The following PRKG1 variants were observed in gnomAD, a reference collection of about 807,000 sequenced individuals.
PRKG1 encodes the protein protein kinase cGMP-dependent 1, also known as cGMP-dependent protein kinase 1.
Under a neutral mutation model 88.1 loss-of-function variants are expected in PRKG1, and 35 were observed. That is an observed-to-expected ratio of 0.40 (90% CI 0.30 to 0.53). The LOEUF is 0.53. Ranked by LOEUF, PRKG1 falls within the 20% of genes least tolerant of loss-of-function variation. The probability of loss-of-function intolerance (pLI) is 0.59; values close to 1 mark genes in which losing one functional copy is unlikely to be tolerated. For synonymous variants in PRKG1, 303 were observed against 292.5 expected, an observed-to-expected ratio of 1.04 and a Z score of -0.37; for missense variants, 540 against 839.8, an observed-to-expected ratio of 0.64 and a Z score of 4.41.
intron 3 of PRKG1, among the ~76,000 whole-genome samples, chr10:51,660,983 A>C (rs1435091841): frequency 6.6e-6 from 1 of 152,118 alleles, no homozygotes; most frequent in Non-Finnish European, 1.5e-5. Flanking sequence ...CATAAATCAC[A>C]TATTAGAATC....
intron 2 of PRKG1, among the ~76,000 whole-genome samples, chr10:51,399,269 A>G (rs959941285): frequency 6.6e-6 from 1 of 152,150 alleles, no homozygotes; most frequent in African/African-American, 2.4e-5. Context: ...TTCATATGAT[A>G]CATAGCATGC....
Position 52,160,113 on chromosome 10 carries a change from A to G in PRKG1, c.1002-1776A>G, listed in dbSNP as rs971316756. On this transcript the variant is annotated intron_variant, in intron 8 of 17. Coordinates refer to ENST00000373980, the MANE Select transcript of PRKG1 (RefSeq NM_006258.4). ...AAAACCCCCAGAAAATTAGCCAGAT[A>G]TTATCTATTTATAATAAAAGAAATA... Among the ~76,000 whole-genome samples the G allele has an allele frequency of 1.2e-4, 18 of 152,030 alleles. No homozygotes were observed. In the East Asian group the frequency reaches 3.1e-3, roughly 26 times the overall value.
At chr10:51,077,279 A>G (rs1843980218) in intron 1 of PRKG1, among the ~76,000 whole-genome samples, 1 of 152,216 alleles carries the variant, frequency 6.6e-6, no homozygotes, top group Non-Finnish European at 1.5e-5. Flanking sequence ...TTTGTATTTC[A>G]TCTTTACTAC....
At chr10:51,489,042 T>C (rs926800813) in intron 3 of PRKG1, among the ~76,000 whole-genome samples, 1 of 152,180 alleles carries the variant, frequency 6.6e-6, no homozygotes, top group Admixed American at 6.6e-5. Context: ...ATTAGAGTCA[T>C]TCTGCTAACT....
intron 4 of PRKG1, among the ~76,000 whole-genome samples, chr10:51,859,682 C>T (rs995075728): frequency 1.1e-4 from 16 of 152,138 alleles, no homozygotes; most frequent in Non-Finnish European, 1.5e-5. Flanking sequence ...TACCACCCTA[C>T]TCCCCAATCC....
At chr10:51,368,472 T>C (rs1588886678) in intron 2 of PRKG1, among the ~76,000 whole-genome samples, 1 of 141,602 alleles carries the variant, frequency 7.1e-6, no homozygotes, top group African/African-American at 2.8e-5. Context: ...CCTCAGGTCA[T>C]GGTCTATAGT....
chr10:52,105,202 A>G (rs1235031207), intron 7 of PRKG1, among the ~76,000 whole-genome samples: 1 of 149,922 alleles, frequency 6.7e-6, no homozygotes, highest in South Asian at 2.1e-4. Flanking sequence ...TTTTTTTTTT[A>G]TTACCAATTG....
rs191112679 is a variant in PRKG1, at chr10:51,234,268, C to A, written c.478+80938C>A. Among the ~76,000 whole-genome samples the A allele has an allele frequency of 4.6e-5, 7 of 152,256 alleles. No individual in the cohort carries two copies. In the East Asian group the frequency reaches 7.7e-4, roughly 17 times the overall value. ...TCTTTCTGTGTCAGACAATTTTCTT[C>A]TGCTTATGGTTGGGGCCACTCCTCA... On this transcript the variant is annotated intron_variant, in intron 2 of 17. Coordinates refer to ENST00000373980, the MANE Select transcript of PRKG1 (RefSeq NM_006258.4).
chr10:51,294,466 G>A (rs1475382216), intron 2 of PRKG1, among the ~76,000 whole-genome samples: 2 of 147,310 alleles, frequency 1.4e-5, no homozygotes, highest in Admixed American at 7.2e-5. Flanking sequence ...ATTTATTTAG[G>A]AGACCATCCT....
rs1248855865 is a variant in PRKG1, at chr10:51,674,169, G to T, written c.593-130416G>T. ...TTAAAAGTGAACTGGAAGTTTTTTG[G>T]TTTTTGTTTTTTTATTATACTTTAA... On this transcript the variant is annotated intron_variant, in intron 3 of 17. Coordinates refer to ENST00000373980, the MANE Select transcript of PRKG1 (RefSeq NM_006258.4). Among the ~76,000 whole-genome samples, 3 of 151,930 alleles carry T rather than the reference G, an allele frequency of 2.0e-5. No homozygotes were observed. In the East Asian group the frequency reaches 5.8e-4, roughly 29 times the overall value.
intron 9 of PRKG1, among the ~76,000 whole-genome samples, chr10:52,180,770 C>T (rs748003099): frequency 1.8e-4 from 28 of 152,228 alleles, no homozygotes; most frequent in African/African-American, 4.1e-4. Context: ...TACATGCGCA[C>T]GGTGAGTTGG....
chr10:51,056,989 A>G (rs1843633150), intron 1 of PRKG1, among the ~76,000 whole-genome samples: 1 of 152,216 alleles, frequency 6.6e-6, no homozygotes, highest in Non-Finnish European at 1.5e-5. Flanking sequence ...TATTTCTACT[A>G]AAATCTTCTT....
At chr10:51,660,504 C>T (rs1464409907) in intron 3 of PRKG1, among the ~76,000 whole-genome samples, 2 of 151,976 alleles carry the variant, frequency 1.3e-5, no homozygotes, top group Non-Finnish European at 2.9e-5. Context: ...AATAGGACAG[C>T]ATCCTAGCAG....
intron 3 of PRKG1, among the ~76,000 whole-genome samples, chr10:51,507,624 G>C (rs543794458): frequency 1.4e-4 from 22 of 152,102 alleles, no homozygotes; most frequent in Non-Finnish European, 2.8e-4. Flanking sequence ...CACTAGGTTT[G>C]TTAAGGAGGT....
At chr10:51,579,181 C>T (rs746508671) in intron 3 of PRKG1, among the ~76,000 whole-genome samples, 1 of 151,594 alleles carries the variant, frequency 6.6e-6, no homozygotes. Flanking sequence ...GGGGTTTCAC[C>T]GTGTTGGCCA....
intron 5 of PRKG1, among the ~76,000 whole-genome samples, chr10:52,028,545 G>T (rs879724661): frequency 4.6e-5 from 7 of 152,180 alleles, no homozygotes; most frequent in African/African-American, 1.7e-4. Flanking sequence ...GGAAGGAAAA[G>T]GTTATATCTC....
intron 9 of PRKG1, among the ~76,000 whole-genome samples, chr10:52,233,720 G>C (rs1444936157): frequency 6.8e-6 from 1 of 147,200 alleles, no homozygotes; most frequent in African/African-American, 2.5e-5. Flanking sequence ...ACTGCAAGGC[G>C]GCAGCGAGGC....
intron 3 of PRKG1, among the ~76,000 whole-genome samples, chr10:51,773,912 C>T (rs1838369374): frequency 6.6e-6 from 1 of 152,010 alleles, no homozygotes; most frequent in Admixed American, 6.6e-5. Flanking sequence ...CCCTCAAACT[C>T]ATATGTAAAC....
In PRKG1 at chr10:51,181,224, A is replaced by ATTTTTTTTTTTTTTTTTT. The variant is rs1223588085; in HGVS notation, c.478+27905_478+27922dup. Among the ~76,000 whole-genome samples, 9 of 78,278 alleles carry ATTTTTTTTTTTTTTTTTT rather than the reference A, an allele frequency of 1.1e-4. 1 individual carries two copies. Among genetic ancestry groups the ATTTTTTTTTTTTTTTTTT allele is most frequent in the African/African-American group, 2.5e-4 (5 of 19,800 alleles). The allele number at this position is 78,278 out of a possible 152,430, so 51.4% of individuals were successfully genotyped here. On this transcript the variant is annotated intron_variant, in intron 2 of 17. Transcript: ENST00000373980. ...AAGCTGACCAAGATTATTATATAGA[A>ATTTTTTTTTTTTTTTTTT]TTTTTTTTTTTTTTTTTTTTTTTTT... is the stretch of plus-strand genomic sequence containing the variant.
Sources: gnomAD v4.1 joint callset for allele counts (sites outside exome capture counted in the v4.1 genomes callset) on GRCh38, gnomAD v4.1.1 for gene constraint, MANE v1.5 for transcripts, NCBI Gene and HGNC (gene_info 2026-07-23, HGNC 2026-07-21) for gene names.